NTAQ1: variants seen among roughly 807,000 people sequenced by gnomAD.
The protein encoded by NTAQ1 is N-terminal glutamine amidase 1, also known as protein N-terminal glutamine amidohydrolase.
Under a neutral mutation model 28.2 loss-of-function variants are expected in NTAQ1, and 21 were observed. The ratio of observed to expected loss-of-function variants is 0.74; its 90% CI spans 0.53 to 1.07. The LOEUF (loss-of-function observed/expected upper bound fraction) is 1.07, where lower values mean the gene tolerates loss of function less well. Among genes scored for constraint, NTAQ1 ranks in the 50% least tolerant of loss-of-function variants. The pLI, the probability that NTAQ1 is intolerant of heterozygous loss-of-function variation, is 0.00. For missense variants in NTAQ1, 264 were observed against 256.6 expected, an observed-to-expected ratio of 1.03 and a Z score of -0.20; for synonymous variants, 105 against 90.0, an observed-to-expected ratio of 1.17 and a Z score of -0.94.
chr8:123,449,739 T>C (rs1453112176), downstream of NTAQ1, among the ~76,000 whole-genome samples: 1 of 150,562 alleles, frequency 6.6e-6, no homozygotes, highest in Non-Finnish European at 1.5e-5. Context: ...GTTGGATGTC[T>C]AACAGGAGCT....
chr8:123,464,247 AG>A (rs1429059782), intron 6 of NTAQ1, among the ~76,000 whole-genome samples: 1 of 152,184 alleles, frequency 6.6e-6, no homozygotes, highest in Non-Finnish European at 1.5e-5. Flanking sequence ...TAAAGGGACC[AG>A]TCAATGGATG....
chr8:123,435,425 C>T, intron 3 of NTAQ1: 5 of 977,834 alleles, frequency 5.1e-6, no homozygotes, highest in Non-Finnish European at 6.1e-6. Context: ...AATTAAAGTC[C>T]TCCTTCTCCT....
downstream of NTAQ1, among the ~76,000 whole-genome samples, chr8:123,451,041 T>A (rs989034679): frequency 2.0e-5 from 3 of 152,228 alleles, no homozygotes; most frequent in African/African-American, 7.2e-5. Flanking sequence ...GCTCTGCTAC[T>A]GCTGGCCCAT....
chr8:123,456,940 T>C (rs1015637122), intron 6 of NTAQ1, among the ~76,000 whole-genome samples: 2 of 152,232 alleles, frequency 1.3e-5, no homozygotes, highest in Admixed American at 1.3e-4. Flanking sequence ...AAACTCATTG[T>C]AGCTGTGGGC....
downstream of NTAQ1, among the ~76,000 whole-genome samples, chr8:123,470,322 C>T (rs149202400): frequency 3.0e-4 from 46 of 152,284 alleles, no homozygotes; most frequent in Non-Finnish European, 4.9e-4. Flanking sequence ...CTCAAGGGTT[C>T]GTGAACTTGT....
chr8:123,422,836 G>A (rs1255067133), intron 1 of NTAQ1, among the ~76,000 whole-genome samples: 1 of 151,946 alleles, frequency 6.6e-6, no homozygotes, highest in Non-Finnish European at 1.5e-5. Flanking sequence ...GAAAGGGAGG[G>A]GTCAAGTTTC....
At chr8:123,422,135 T>A (rs1200063751) in intron 1 of NTAQ1, among the ~76,000 whole-genome samples, 1 of 152,124 alleles carries the variant, frequency 6.6e-6, no homozygotes, top group Admixed American at 6.6e-5. Context: ...AAGAAGTATC[T>A]GTTCATGTCC....
downstream of NTAQ1, among the ~76,000 whole-genome samples, chr8:123,443,628 G>T (rs979666872): frequency 2.6e-4 from 39 of 152,192 alleles, no homozygotes; most frequent in African/African-American, 9.4e-4. Flanking sequence ...AGGCTGGAGA[G>T]CACTGGTGTG....
chr8:123,436,501 A>C lies in NTAQ1; in HGVS notation c.283A>C (p.Ile95Leu). The C allele has an allele frequency of 6.2e-7, 1 of 1,613,994 alleles. No individual in the cohort carries two copies. Among genetic ancestry groups the C allele is most frequent in the Non-Finnish European group, 8.5e-7 (1 of 1,179,928 alleles). Residue 95 changes from isoleucine (I) to leucine (L), a missense_variant, in exon 4 of 6, where the codon ATT becomes CTT. Ile to Leu is a conservative substitution (Grantham distance 5). Transcript: ENST00000287387. ...LHVSSGGQNFIYDLDTVLPFP... is the reference protein window; with the variant it reads ...LHVSSGGQNFLYDLDTVLPFP... ...TGTTTCAAGTGGAGGACAGAACTTCATTTATGATCTCGATACTGTCTTGCC... is the reference window on the plus strand; with the variant it reads ...TGTTTCAAGTGGAGGACAGAACTTCCTTTATGATCTCGATACTGTCTTGCC...
At chr8:123,426,786 A>T (rs34646662) in intron 1 of NTAQ1, among the ~76,000 whole-genome samples, 1 of 151,512 alleles carries the variant, frequency 6.6e-6, no homozygotes, top group Non-Finnish European at 1.5e-5. Context: ...ATGGTGAAAC[A>T]CCATCTCTAC....
rs532251759 is a variant in NTAQ1, at chr8:123,427,272, G to C, written c.84-652G>C. 6.5e-5 allele frequency among the ~76,000 whole-genome samples: 4 copies of C among 61,194 alleles called. No individual in the cohort carries two copies. The South Asian group carries it at 2.3e-3, about 35-fold the overall frequency. The allele number at this position is 61,194 out of a possible 152,430, so 40.1% of individuals were successfully genotyped here. A position where few individuals can be genotyped will look rare whatever the true frequency, so the allele number is the denominator to read the frequency against. On this transcript the variant is annotated intron_variant, in intron 1 of 5. Transcript: ENST00000287387. ...CTTTTTTTTTTTTTTTTTTTTTTGA[G>C]TTGGAGTCTTGCTCTGTTGTCCAGG...
rs1417652376 is a variant in NTAQ1, at chr8:123,420,771, TTTTA to T, written c.83+3843_83+3846del. On this transcript the variant is annotated intron_variant, in intron 1 of 5. Coordinates refer to ENST00000287387, the MANE Select transcript of NTAQ1 (RefSeq NM_018024.3). ...CCACTTTTTTGACTTCTTAAATTATTTTTATTTGTTTATTTTTATTTATTTATTT... is the reference window on the plus strand; with the variant it reads ...CCACTTTTTTGACTTCTTAAATTATTTTTGTTTATTTTTATTTATTTATTT... Among the ~76,000 whole-genome samples the T allele has an allele frequency of 4.3e-4, 65 of 151,452 alleles. 2 individuals carry two copies. The highest frequency in any genetic ancestry group is 1.8e-4 in the Non-Finnish European group (12 of 67,970).
At chr8:123,442,914 C>T (rs1009300017), downstream of NTAQ1, among the ~76,000 whole-genome samples, 2 of 150,806 alleles carry the variant, frequency 1.3e-5, no homozygotes, top group South Asian at 2.1e-4. Context: ...GTGATCTGCC[C>T]ACTTTCGCCT....
intron 1 of NTAQ1, among the ~76,000 whole-genome samples, chr8:123,425,061 T>C (rs571191153): frequency 6.6e-6 from 1 of 152,284 alleles, no homozygotes; most frequent in Admixed American, 6.5e-5. Context: ...TGACGTAATA[T>C]GACATATACC....
intron 6 of NTAQ1, among the ~76,000 whole-genome samples, chr8:123,462,412 T>A (rs1815848563): frequency 6.6e-6 from 1 of 152,182 alleles, no homozygotes; most frequent in Non-Finnish European, 1.5e-5. Context: ...GGGTGGATTT[T>A]CTCAGCAGAG....
At chr8:123,426,258 T>C (rs1814048328) in intron 1 of NTAQ1, among the ~76,000 whole-genome samples, 1 of 152,162 alleles carries the variant, frequency 6.6e-6, no homozygotes, top group South Asian at 2.1e-4. Context: ...CTTAGGTGGG[T>C]TCTGACTACT....
exon 7 of NTAQ1, among the ~76,000 whole-genome samples, chr8:123,469,645 CT>C (rs1816022585): frequency 6.6e-6 from 1 of 152,162 alleles, no homozygotes; most frequent in Non-Finnish European, 1.5e-5. Flanking sequence ...GTGAATAAAA[CT>C]TTGAGACTTA....
intron 5 of NTAQ1, among the ~76,000 whole-genome samples, chr8:123,439,345 G>GTTT (rs34111480): frequency 7.2e-6 from 1 of 139,386 alleles, no homozygotes. Flanking sequence ...CACCTGGCTA[G>GTTT]TTTTTTTTTT....
At chr8:123,417,792 C>T (rs1813396339) in intron 1 of NTAQ1, among the ~76,000 whole-genome samples, 1 of 151,984 alleles carries the variant, frequency 6.6e-6, no homozygotes, top group African/African-American at 2.4e-5. Flanking sequence ...GTGCTTCCAT[C>T]GATGTCCAGG....
Sources: gnomAD v4.1 joint callset for allele counts (sites outside exome capture counted in the v4.1 genomes callset) on GRCh38, gnomAD v4.1.1 for gene constraint, MANE v1.5 for transcripts, NCBI Gene and HGNC (gene_info 2026-07-23, HGNC 2026-07-21) for gene names.